TNFRSF10C: variants seen among roughly 807,000 people sequenced by gnomAD.
TNFRSF10C encodes the protein tumor necrosis factor receptor superfamily member 10C.
In TNFRSF10C, 17 loss-of-function variants were observed where a neutral mutation model predicts 16.7. That is an observed-to-expected ratio of 1.02 (90% CI 0.70 to 1.53). The LOEUF (loss-of-function observed/expected upper bound fraction) is 1.53, where lower values mean the gene tolerates loss of function less well. TNFRSF10C is among the 40% of genes most tolerant of loss of function. TNFRSF10C has a pLI of 0.00. For missense variants in TNFRSF10C, 237 were observed against 329.7 expected (o/e 0.72, Z 2.18); for synonymous variants, 73 against 119.7 (o/e 0.61, Z 2.55).
intron 2 of TNFRSF10C, among the ~76,000 whole-genome samples, chr8:23,112,197 T>C (rs990632995): frequency 1.3e-5 from 2 of 152,226 alleles, no homozygotes; most frequent in African/African-American, 4.8e-5. Context: ...ATAGCACTTA[T>C]TTACATAGCA....
At chr8:23,108,177 A>T (rs1008820179) in intron 1 of TNFRSF10C, among the ~76,000 whole-genome samples, 5 of 152,022 alleles carry the variant, frequency 3.3e-5, no homozygotes, top group African/African-American at 9.7e-5. Flanking sequence ...AGGAAGGAAC[A>T]GGAAGGAAAG....
chr8:23,112,239 A>G (rs1352377525), intron 2 of TNFRSF10C, among the ~76,000 whole-genome samples: 1 of 152,262 alleles, frequency 6.6e-6, no homozygotes, highest in East Asian at 1.9e-4. Flanking sequence ...CAAGTAATCT[A>G]GAGATGATTT....
chr8:23,115,926 G>A (rs573287754), intron 4 of TNFRSF10C, among the ~76,000 whole-genome samples: 4 of 152,298 alleles, frequency 2.6e-5, no homozygotes, highest in Non-Finnish European at 5.9e-5. Context: ...TAGGAAATGC[G>A]ATTTCCTTTT....
chr8:23,111,219 C>CA (rs570692586), intron 1 of TNFRSF10C, among the ~76,000 whole-genome samples: 1 of 146,524 alleles, frequency 6.8e-6, no homozygotes, highest in Non-Finnish European at 1.5e-5. Context: ...TTCATTTTTT[C>CA]TTTTTTTTTT....
chr8:23,112,729 G>A (rs910755059), intron 2 of TNFRSF10C, among the ~76,000 whole-genome samples: 7 of 152,178 alleles, frequency 4.6e-5, no homozygotes, highest in East Asian at 1.9e-4. Flanking sequence ...CCATGGACAC[G>A]TAGGTTGATT....
intron 1 of TNFRSF10C, chr8:23,103,467 T>G: frequency 1.7e-6 from 1 of 576,374 alleles, no homozygotes. Context: ...GTGGAACCCA[T>G]AGAGTGAGCC....
At chr8:23,112,627 G>A (rs1407296509) in intron 2 of TNFRSF10C, among the ~76,000 whole-genome samples, 2 of 152,180 alleles carry the variant, frequency 1.3e-5, no homozygotes, top group Non-Finnish European at 2.9e-5. Context: ...CTTCATCCAT[G>A]CTGACACAAA....
chr8:23,106,682 T>C (rs889643178), intron 1 of TNFRSF10C, among the ~76,000 whole-genome samples: 1 of 152,146 alleles, frequency 6.6e-6, no homozygotes, highest in Non-Finnish European at 1.5e-5. Context: ...CGACTTCTCA[T>C]CCTTAAAAAT....
At chr8:23,110,838 GAGAC>G (rs1813867431) in intron 1 of TNFRSF10C, among the ~76,000 whole-genome samples, 1 of 152,206 alleles carries the variant, frequency 6.6e-6, no homozygotes, top group African/African-American at 2.4e-5. Flanking sequence ...GTGTGAGTGA[GAGAC>G]AGAATTCACC....
At chr8:23,116,082 G>T (rs1160429651) in intron 4 of TNFRSF10C, among the ~76,000 whole-genome samples, 1 of 152,220 alleles carries the variant, frequency 6.6e-6, no homozygotes, top group Non-Finnish European at 1.5e-5. Context: ...GTCATAAGAA[G>T]GCTGTGGGTG....
chr8:23,103,140 A>C lies in TNFRSF10C; in HGVS notation c.19A>C (p.Thr7Pro), dbSNP rs1585244229. Reference protein sequence around the residue: MARIPKTLKFVVVIVAV... With the variant: MARIPKPLKFVVVIVAV... ...CCATACCATGGCCCGGATCCCCAAG[A>C]CCCTAAAGTTCGTCGTCGTCATCGT... is the stretch of plus-strand genomic sequence containing the variant. The change falls in exon 1 of 5, where the codon ACC becomes CCC. Residue 7 changes from threonine (T) to proline (P), a missense_variant. Thr to Pro is a conservative substitution (Grantham distance 38). Coordinates refer to ENST00000356864, the MANE Select transcript of TNFRSF10C (RefSeq NM_003841.5). The C allele has an allele frequency of 6.2e-7, 1 of 1,612,130 alleles. No individual in the cohort carries two copies. Among genetic ancestry groups the C allele is most frequent in the Non-Finnish European group, 8.5e-7 (1 of 1,179,382 alleles).
chr8:23,115,707 G>C, intron 4 of TNFRSF10C, 91 bp downstream of exon 4: 1 of 1,038,250 alleles, frequency 9.6e-7, no homozygotes, highest in Non-Finnish European at 1.4e-6. Flanking sequence ...TGACCCTATG[G>C]AGCCTCCAGA....
chr8:23,115,693 C>T, intron 4 of TNFRSF10C, 77 bp downstream of exon 4: 1 of 1,227,704 alleles, frequency 8.1e-7, no homozygotes, highest in Non-Finnish European at 1.2e-6. Context: ...CCCTATTTCT[C>T]CGCTGACCCT....
At chr8:23,113,539 A>T (rs1813920236) in intron 2 of TNFRSF10C, among the ~76,000 whole-genome samples, 1 of 152,178 alleles carries the variant, frequency 6.6e-6, no homozygotes, top group African/African-American at 2.4e-5. Context: ...TCTCAACACC[A>T]TTTATTGAAG....
intron 1 of TNFRSF10C, chr8:23,103,472 T>C: frequency 1.8e-6 from 1 of 566,434 alleles, no homozygotes; most frequent in Non-Finnish European, 3.2e-6. Context: ...ACCCATAGAG[T>C]GAGCCTCCTG....
intron 2 of TNFRSF10C, 129 bp downstream of exon 2, chr8:23,111,954 AT>A: frequency 1.1e-6 from 1 of 944,768 alleles, no homozygotes; most frequent in South Asian, 1.6e-5. Context: ...GCTAATTCAC[AT>A]ACTTAATCAT....
intron 1 of TNFRSF10C, among the ~76,000 whole-genome samples, chr8:23,109,277 T>C (rs574506655): frequency 6.6e-6 from 1 of 152,272 alleles, no homozygotes; most frequent in Non-Finnish European, 1.5e-5. Context: ...GGGTGAATTA[T>C]ATGAATAATC....
intron 1 of TNFRSF10C, among the ~76,000 whole-genome samples, chr8:23,108,183 G>A (rs1289248548): frequency 6.6e-6 from 1 of 152,042 alleles, no homozygotes; most frequent in Non-Finnish European, 1.5e-5. Flanking sequence ...GAACAGGAAG[G>A]AAAGGAAGGA....
At chr8:23,113,789 C>A (rs959498600) in intron 2 of TNFRSF10C, among the ~76,000 whole-genome samples, 5 of 152,038 alleles carry the variant, frequency 3.3e-5, no homozygotes, top group African/African-American at 1.2e-4. Context: ...TATTTGAGGT[C>A]TTTTGTAGTT....
Sources: gnomAD v4.1 joint callset for allele counts (sites outside exome capture counted in the v4.1 genomes callset) on GRCh38, gnomAD v4.1.1 for gene constraint, MANE v1.5 for transcripts, NCBI Gene and HGNC (gene_info 2026-07-23, HGNC 2026-07-21) for gene names.